SUCO: variants seen among roughly 807,000 people sequenced by gnomAD.
SUCO encodes the protein SUN domain-containing ossification factor.
In SUCO, 57 loss-of-function variants were observed where a neutral mutation model predicts 148.1. The ratio of observed to expected loss-of-function variants is 0.38; its 90% CI spans 0.31 to 0.48. The LOEUF is 0.48. SUCO is among the 20% of genes least tolerant of loss of function. The pLI is 0.96. For missense variants in SUCO, 1,331 were observed against 1,468.2 expected, an observed-to-expected ratio of 0.91 and a Z score of 1.53; for synonymous variants, 470 against 502.7, an observed-to-expected ratio of 0.93 and a Z score of 0.87.
chr1:172,541,174 T>A (rs1380693974), intron 1 of SUCO, among the ~76,000 whole-genome samples: 4 of 152,314 alleles, frequency 2.6e-5, no homozygotes, highest in African/African-American at 9.6e-5. Context: ...TACATAGCAT[T>A]TACATAGTGT....
chr1:172,557,847 T>TA (rs1426955233), intron 6 of SUCO, 53 bp downstream of exon 6: 1 of 1,378,216 alleles, frequency 7.3e-7, no homozygotes, highest in Non-Finnish European at 9.9e-7. Flanking sequence ...GCATTTTTGT[T>TA]ATTAGCTAAG....
upstream of SUCO, chr1:172,532,827 G>A (rs760273610): frequency 2.5e-6 from 4 of 1,575,630 alleles, no homozygotes; most frequent in Admixed American, 3.8e-5. Flanking sequence ...AAATGCTGAG[G>A]ATCACTGGGC....
chr1:172,606,588 C>T (rs571292765), intron 22 of SUCO, among the ~76,000 whole-genome samples: 2 of 151,908 alleles, frequency 1.3e-5, no homozygotes, highest in African/African-American at 4.8e-5. Context: ...TCTTTTTACA[C>T]TTAATGTTCA....
chr1:172,609,105 A>T, intron 23 of SUCO: 1 of 401,262 alleles, frequency 2.5e-6, no homozygotes, highest in Non-Finnish European at 3.4e-6. Flanking sequence ...TTCACAAAAA[A>T]AATTTGTTGA....
intron 23 of SUCO, 57 bp downstream of exon 23, chr1:172,608,859 A>C: frequency 8.5e-7 from 1 of 1,170,376 alleles, no homozygotes; most frequent in South Asian, 1.3e-5. Flanking sequence ...TAAATGAAGA[A>C]AAGAGGTTGA....
chr1:172,588,861 A>G lies in SUCO; in HGVS notation c.1760A>G (p.Glu587Gly). Residue 587 changes from glutamate to glycine, a missense_variant, in exon 18 of 24, where the codon GAG becomes GGG. Coordinates refer to ENST00000263688, the MANE Select transcript of SUCO (RefSeq NM_014283.5). The part of the protein sequence containing the change: ...IVQLVQEEEE[E>G]ASPSTVTLLG... ...CAGTTAGTTCAAGAGGAGGAAGAGG[A>G]GGCAAGTCCATCTACAGTGACCCTT... is the stretch of plus-strand genomic sequence containing the variant. The G allele has an allele frequency of 6.2e-7, 1 of 1,613,136 alleles. No homozygotes were observed. Among genetic ancestry groups the G allele is most frequent in the East Asian group, 2.2e-5 (1 of 44,868 alleles).
At chr1:172,604,945 C>T (rs1338651610) in intron 22 of SUCO, among the ~76,000 whole-genome samples, 1 of 151,780 alleles carries the variant, frequency 6.6e-6, no homozygotes, top group Admixed American at 6.6e-5. Flanking sequence ...TGGATTGCTT[C>T]CCCTCTTGGC....
rs540652766 is a variant in SUCO at position 172,611,234 on chromosome 1, C to T, written c.*975C>T. 8.4e-4 allele frequency: 128 copies of T among 152,696 alleles called. No individual in the cohort carries two copies. Among genetic ancestry groups the T allele is most frequent in the African/African-American group, 3.0e-3 (123 of 41,552 alleles). 9.5% of individuals were successfully genotyped at this position (152,696 alleles called of 1,614,324 possible). A position where few individuals can be genotyped will look rare whatever the true frequency, so the allele number is the denominator to read the frequency against. On this transcript the variant is annotated 3_prime_UTR_variant, in exon 24 of 24. Transcript: ENST00000263688. The stretch of plus-strand genomic sequence containing the variant: ...TCAAGCTTAATCTAATTGGTTAAGT[C>T]TAAAGAGATTATTATTCCTTGATGT...
chr1:172,610,599 T>G lies in SUCO; in HGVS notation c.*340T>G, dbSNP rs1042772200. 2.2e-5 allele frequency: 4 copies of G among 181,798 alleles called. No individual in the cohort carries two copies. The highest frequency in any genetic ancestry group is 4.5e-5 in the Non-Finnish European group (4 of 87,956). The allele number at this position is 181,798 out of a possible 1,614,324, so 11.3% of individuals were successfully genotyped here. A position where few individuals can be genotyped will look rare whatever the true frequency, so the allele number is the denominator to read the frequency against. On this transcript the variant is annotated 3_prime_UTR_variant, in exon 24 of 24. Coordinates refer to ENST00000263688, the MANE Select transcript of SUCO (RefSeq NM_014283.5). ...ACCTCTTCCTTTAGCTTTGTTCCTA[T>G]TTCTTGCACCTTCCCATATTTATGT... is the stretch of plus-strand genomic sequence containing the variant.
intron 7 of SUCO, 123 bp downstream of exon 7, chr1:172,569,265 A>G (rs1319836356): frequency 2.7e-6 from 3 of 1,100,316 alleles, no homozygotes; most frequent in Non-Finnish European, 3.6e-6. Context: ...TAAAGGTGAA[A>G]CTTAACCAAG....
chr1:172,532,428 C>G (rs1427449765), upstream of SUCO: 4 of 1,475,290 alleles, frequency 2.7e-6, no homozygotes, highest in African/African-American at 4.2e-5. Context: ...GAAATTCTTG[C>G]TGAAGAGAAG....
intron 6 of SUCO, among the ~76,000 whole-genome samples, chr1:172,561,470 T>C (rs1654148118): frequency 6.6e-6 from 1 of 152,158 alleles, no homozygotes; most frequent in South Asian, 2.1e-4. Flanking sequence ...GCCCTGATGC[T>C]ATAATTTTTG....
At chr1:172,532,787 G>A, upstream of SUCO, 3 of 1,610,478 alleles carry the variant, frequency 1.9e-6, no homozygotes, top group Non-Finnish European at 2.5e-6. Flanking sequence ...CTCAGCGCGC[G>A]AGGGACGAAG....
In SUCO at chr1:172,557,743, C is replaced by A. The variant is rs371395781; in HGVS notation, c.681C>A (p.Gly227=). 1 of 1,609,700 alleles carries A rather than the reference C, an allele frequency of 6.2e-7. No individual in the cohort carries two copies. Among genetic ancestry groups the A allele is most frequent in the Middle Eastern group, 1.7e-4 (1 of 5,984 alleles). The change falls in exon 6 of 24, where the codon GGC becomes GGA. Residue 227 remains glycine, a synonymous_variant. Transcript: ENST00000263688. ...FESKVSASEQ[G]GGDPKSALNA... ...CAAAAGTTTCAGCAAGTGAACAGGG[C>A]GGTGGTGATCCAAAATCTGCATTGA... is the stretch of plus-strand genomic sequence containing the variant.
In SUCO at chr1:172,557,354, T is replaced by A. The variant is rs757628124; in HGVS notation, c.518T>A (p.Val173Asp). ...ETEQSETDCDVGEALDASAPI... is the reference protein window; with the variant it reads ...ETEQSETDCDDGEALDASAPI... Reference sequence around the variant, plus strand: ...GAGCAGTCTGAAACTGATTGTGATGTTGGTGAGGCCCTTGATGCTAGTGCT... The same window carrying A: ...GAGCAGTCTGAAACTGATTGTGATGATGGTGAGGCCCTTGATGCTAGTGCT... The change falls in exon 5 of 24, where the codon GTT becomes GAT. Residue 173 changes from valine (V) to aspartate (D), a missense_variant. Val to Asp is a radical substitution (Grantham distance 152, BLOSUM62 -3). This residue lies in a region of SUCO where 992 missense variants were observed against 1,093.5 expected (regional missense o/e 0.91). Transcript: ENST00000263688. The A allele has an allele frequency of 6.2e-7, 1 of 1,614,082 alleles. No homozygotes were observed. Among genetic ancestry groups the A allele is most frequent in the Admixed American group, 1.7e-5 (1 of 60,024 alleles).
chr1:172,580,961 G>A (rs1571250170), intron 15 of SUCO, among the ~76,000 whole-genome samples: 1 of 26 alleles, frequency 0.038, no homozygotes, highest in East Asian at 0.5. Context: ...AATTAGCCAA[G>A]CATGGTGCGT....
Position 172,579,263 on chromosome 1 carries a change from T to C in SUCO, c.1494T>C (p.Ala498=). The change falls in exon 15 of 24, where the codon GCT becomes GCC. Residue 498 remains alanine, a synonymous_variant. Coordinates refer to ENST00000263688, the MANE Select transcript of SUCO (RefSeq NM_014283.5). ...DKSSKNLLGS[A]TNAILNMVNI... is the part of the protein sequence containing the mutation. The stretch of plus-strand genomic sequence containing the variant: ...CCTCAAAAAATCTTCTTGGTTCTGC[T>C]ACAAGTGAGTATTTTGAGGATTTTC... The C allele has an allele frequency of 6.3e-7, 1 of 1,581,294 alleles. No homozygotes were observed. The highest frequency in any genetic ancestry group is 8.7e-7 in the Non-Finnish European group (1 of 1,152,510).
intron 6 of SUCO, among the ~76,000 whole-genome samples, chr1:172,558,946 G>A (rs549600844): frequency 3.9e-5 from 6 of 152,180 alleles, no homozygotes; most frequent in Non-Finnish European, 5.9e-5. Context: ...CGGCAAAAGA[G>A]TAGAATTTTA....
intron 6 of SUCO, among the ~76,000 whole-genome samples, chr1:172,562,285 G>A (rs999541212): frequency 1.1e-4 from 16 of 151,348 alleles, no homozygotes; most frequent in African/African-American, 3.9e-4. Context: ...AAAATTTCTG[G>A]TAATTTAGCA....
Sources: gnomAD v4.1 joint callset for allele counts (sites outside exome capture counted in the v4.1 genomes callset) on GRCh38, gnomAD v4.1.1 for gene constraint, gnomAD v4.1.1 regional missense constraint, MANE v1.5 for transcripts, NCBI Gene and HGNC (gene_info 2026-07-23, HGNC 2026-07-21) for gene names.